ADCY2: variants seen among roughly 807,000 people sequenced by gnomAD.
ADCY2 encodes the protein adenylate cyclase type 2.
In ADCY2, 31 loss-of-function variants were observed where a neutral mutation model predicts 125.2. That is an observed-to-expected ratio of 0.25 (90% confidence interval 0.19 to 0.33). The LOEUF (loss-of-function observed/expected upper bound fraction) is 0.33. Ranked by LOEUF, ADCY2 falls within the 10% of genes least tolerant of loss-of-function variation. The pLI is 1.00. For missense variants in ADCY2, 904 were observed against 1,418.2 expected (o/e 0.64, Z 5.82); for synonymous variants, 512 against 548.4 (o/e 0.93, Z 0.93).
intron 4 of ADCY2, among the ~76,000 whole-genome samples, chr5:7,655,844 A>G (rs968412737): frequency 2.0e-5 from 3 of 152,202 alleles, no homozygotes; most frequent in Non-Finnish European, 4.4e-5. Context: ...GCCCTCACCC[A>G]TCTGCATCTG....
intron 12 of ADCY2, among the ~76,000 whole-genome samples, chr5:7,720,487 T>C (rs1741723077): frequency 6.6e-6 from 1 of 152,168 alleles, no homozygotes; most frequent in Non-Finnish European, 1.5e-5. Flanking sequence ...CATGTTGGTG[T>C]GCTGCACCCA....
At chr5:7,511,582 A>C (rs76116871) in intron 2 of ADCY2, among the ~76,000 whole-genome samples, 2 of 124,292 alleles carry the variant, frequency 1.6e-5, no homozygotes, top group Non-Finnish European at 3.9e-5. Flanking sequence ...CTCAAAAAAG[A>C]AAAAAAAATG....
intron 3 of ADCY2, among the ~76,000 whole-genome samples, chr5:7,577,197 A>G (rs149079370): frequency 3.3e-5 from 5 of 152,280 alleles, no homozygotes; most frequent in African/African-American, 4.8e-5. Context: ...TCCAGGGTGG[A>G]CAGGGAAAGC....
intron 12 of ADCY2, among the ~76,000 whole-genome samples, chr5:7,722,464 C>T (rs1022083842): frequency 6.6e-6 from 1 of 152,058 alleles, no homozygotes; most frequent in East Asian, 1.9e-4. Flanking sequence ...ATAAAGACAC[C>T]GTTCTGAAAG....
intron 2 of ADCY2, among the ~76,000 whole-genome samples, chr5:7,445,379 C>T (rs1310837996): frequency 6.6e-6 from 1 of 152,200 alleles, no homozygotes; most frequent in African/African-American, 2.4e-5. Context: ...GTCATTTCAT[C>T]GATTTCATTT....
intron 2 of ADCY2, among the ~76,000 whole-genome samples, chr5:7,489,156 A>AC (rs1433288980): frequency 6.6e-6 from 1 of 151,856 alleles, no homozygotes; most frequent in Non-Finnish European, 1.5e-5. Context: ...TGTCTTGGAT[A>AC]CCCCCCTTTG....
chr5:7,482,784 A>ATATATATATG (rs1554012991), intron 2 of ADCY2, among the ~76,000 whole-genome samples: 2 of 143,328 alleles, frequency 1.4e-5, no homozygotes, highest in Non-Finnish European at 3.0e-5. Flanking sequence ...ATATATATAT[A>ATATATATATG]TATATATACA....
intron 4 of ADCY2, among the ~76,000 whole-genome samples, chr5:7,663,133 T>C (rs1739589095): frequency 6.6e-6 from 1 of 152,244 alleles, no homozygotes; most frequent in African/African-American, 2.4e-5. Flanking sequence ...TTTATATCAC[T>C]AGCAGAATTC....
intron 2 of ADCY2, among the ~76,000 whole-genome samples, chr5:7,423,243 C>T (rs1409501154): frequency 6.6e-6 from 1 of 152,172 alleles, no homozygotes. Context: ...TATTGGGAGA[C>T]CTCCATGTTT....
intron 2 of ADCY2, among the ~76,000 whole-genome samples, chr5:7,496,649 A>T (rs1743356227): frequency 6.6e-6 from 1 of 152,168 alleles, no homozygotes; most frequent in Non-Finnish European, 1.5e-5. Context: ...TAGTTGACAG[A>T]GAGTATGCCC....
intron 3 of ADCY2, among the ~76,000 whole-genome samples, chr5:7,613,160 T>TAAA (rs5865721): frequency 8.0e-6 from 1 of 124,234 alleles, no homozygotes; most frequent in Non-Finnish European, 1.7e-5. Flanking sequence ...AGTATAATAA[T>TAAA]AAAAAAAAAA....
At chr5:7,425,693 G>A (rs1468955210) in intron 2 of ADCY2, among the ~76,000 whole-genome samples, 1 of 152,184 alleles carries the variant, frequency 6.6e-6, no homozygotes, top group African/African-American at 2.4e-5. Context: ...GTAAAGGGAG[G>A]AGTGAAGTAC....
At chr5:7,560,852 C>A (rs1441925243) in intron 3 of ADCY2, among the ~76,000 whole-genome samples, 1 of 152,076 alleles carries the variant, frequency 6.6e-6, no homozygotes, top group African/African-American at 2.4e-5. Flanking sequence ...CCATGCCTGG[C>A]TAAATTCTGT....
chr5:7,433,212 T>G lies in ADCY2; in HGVS notation c.408+18442T>G, dbSNP rs537478989. Reference sequence around the variant, plus strand: ...GGCCTTCCCTCTTTTTTGCCTTTATTGTGAAGTAGAATAAAGTTACTGAGA... The same window carrying G: ...GGCCTTCCCTCTTTTTTGCCTTTATGGTGAAGTAGAATAAAGTTACTGAGA... On this transcript the variant is annotated intron_variant, in intron 2 of 24. Coordinates refer to ENST00000338316, the MANE Select transcript of ADCY2 (RefSeq NM_020546.3). Among the ~76,000 whole-genome samples, 25 of 152,232 alleles carry G rather than the reference T, an allele frequency of 1.6e-4. 1 individual carries two copies. Among genetic ancestry groups the G allele is most frequent in the Admixed American group, 1.6e-3 (25 of 15,286 alleles).
chr5:7,396,425 G>A lies in ADCY2; in HGVS notation c.129G>A (p.Gln43=). 1 of 1,581,002 alleles carries A rather than the reference G, an allele frequency of 6.3e-7. No homozygotes were observed. Among genetic ancestry groups the A allele is most frequent in the Non-Finnish European group, 8.6e-7 (1 of 1,164,046 alleles). ...LYESYYCMSQ[Q]HPLIVFLLLI... ...AGTCCTACTACTGCATGAGCCAGCA[G>A]CACCCGCTCATCGTCTTCCTGCTGC... Residue 43 remains glutamine, a synonymous_variant, in exon 1 of 25, where the codon CAG becomes CAA. Coordinates refer to ENST00000338316, the MANE Select transcript of ADCY2 (RefSeq NM_020546.3). This position sits in a 1 kb window ranked among gnomAD's most constrained non-coding sequence, Gnocchi z 5.7.
In ADCY2 at chr5:7,602,375, T is replaced by C. The variant is rs565186135; in HGVS notation, c.571-23792T>C. On this transcript the variant is annotated intron_variant, in intron 3 of 24. Transcript: ENST00000338316. Reference sequence around the variant, plus strand: ...AGGGAAAGAATGTGTCTTCTATTTCTATGGCTCTTTCTTGAATGTTCCACC... The same window carrying C: ...AGGGAAAGAATGTGTCTTCTATTTCCATGGCTCTTTCTTGAATGTTCCACC... Among the ~76,000 whole-genome samples, 13 of 152,306 alleles carry C rather than the reference T, an allele frequency of 8.5e-5. No individual in the cohort carries two copies. In the South Asian group the frequency reaches 2.7e-3, roughly 32 times the overall value.
intron 2 of ADCY2, among the ~76,000 whole-genome samples, chr5:7,436,701 C>T (rs889754644): frequency 2.0e-5 from 3 of 152,214 alleles, no homozygotes; most frequent in Non-Finnish European, 2.9e-5. Flanking sequence ...CTGCAGGTGG[C>T]GGATCAGGTG....
chr5:7,626,251 A>G lies in ADCY2; in HGVS notation c.655A>G (p.Thr219Ala), dbSNP rs1268717136. ...KHLMELALQQ[T>A]YQDTCNCIKS... ...CCTCATGGAACTCGCTCTTCAGCAAACATATCAGGACACCTGTAATTGCAT... is the reference window on the plus strand; with the variant it reads ...CCTCATGGAACTCGCTCTTCAGCAAGCATATCAGGACACCTGTAATTGCAT... Residue 219 changes from threonine to alanine, a missense_variant, in exon 4 of 25, where the codon ACA becomes GCA. Around this residue, in one of 7 missense-constraint regions of ADCY2, gnomAD observed 117 missense variants for 248.0 expected, o/e 0.47. Transcript: ENST00000338316. 1.2e-6 allele frequency: 2 copies of G among 1,614,172 alleles called. No individual in the cohort carries two copies. The highest frequency in any genetic ancestry group is 1.7e-6 in the Non-Finnish European group (2 of 1,179,998).
At chr5:7,527,646 A>G (rs537338682) in intron 3 of ADCY2, among the ~76,000 whole-genome samples, 1 of 152,336 alleles carries the variant, frequency 6.6e-6, no homozygotes, top group Admixed American at 6.5e-5. Flanking sequence ...TATATGTTAG[A>G]TAAATTTTAT....
Sources: gnomAD v4.1 joint callset for allele counts (sites outside exome capture counted in the v4.1 genomes callset) on GRCh38, gnomAD v4.1.1 for gene constraint, gnomAD v4.1.1 regional missense constraint, Gnocchi (gnomAD v3.1) non-coding constraint, MANE v1.5 for transcripts, NCBI Gene and HGNC (gene_info 2026-07-23, HGNC 2026-07-21) for gene names.